BICC1: variants seen among roughly 807,000 people sequenced by gnomAD.
BICC1 encodes protein bicaudal C homolog 1.
Under a neutral mutation model 111.0 loss-of-function variants are expected in BICC1, and 43 were observed. The ratio of observed to expected loss-of-function variants is 0.39; its 90% CI spans 0.30 to 0.50. BICC1 has a LOEUF of 0.50. Ranked by LOEUF, BICC1 falls within the 20% of genes least tolerant of loss-of-function variation. BICC1 has a pLI of 0.88. For missense variants in BICC1, 1,091 were observed against 1,203.2 expected, an observed-to-expected ratio of 0.91 and a Z score of 1.38; for synonymous variants, 467 against 434.4, an observed-to-expected ratio of 1.07 and a Z score of -0.93.
chr10:58,792,605 G>A (rs935346639), intron 8 of BICC1, among the ~76,000 whole-genome samples: 3 of 152,120 alleles, frequency 2.0e-5, no homozygotes, highest in Non-Finnish European at 2.9e-5. Context: ...ATTGTGAACC[G>A]TGCATGCAAG....
At chr10:58,610,055 C>T (rs1369025400) in intron 1 of BICC1, among the ~76,000 whole-genome samples, 1 of 152,154 alleles carries the variant, frequency 6.6e-6, no homozygotes, top group Admixed American at 6.5e-5. Flanking sequence ...GTCATCAGTC[C>T]ACCAGGAAGT....
At chr10:58,824,242 G>A (rs1844332091) in intron 20 of BICC1, 1 of 263,734 alleles carries the variant, frequency 3.8e-6, no homozygotes, top group Admixed American at 6.5e-5. Context: ...TAGTACCTGT[G>A]TGGGCAAGTG....
At chr10:58,637,340 G>A (rs935862308) in intron 2 of BICC1, among the ~76,000 whole-genome samples, 11 of 152,120 alleles carry the variant, frequency 7.2e-5, no homozygotes, top group Non-Finnish European at 1.3e-4. Flanking sequence ...GGTTAGATGA[G>A]GTTTGCTACC....
rs1461820906 is a variant in BICC1, at chr10:58,513,112, G to T, written c.-32G>T. 27 of 1,362,076 alleles carry T rather than the reference G, an allele frequency of 2.0e-5. No homozygotes were observed. Among genetic ancestry groups the T allele is most frequent in the Middle Eastern group, 2.7e-4 (1 of 3,720 alleles). 84.4% of individuals were successfully genotyped at this position (1,362,076 alleles called of 1,614,324 possible). ...GCGGCAGCGCAGGCAGAGCGGCGGCGGCAGCGGGAGCCCGAGCGCTGCGCG... is the reference window on the plus strand; with the variant it reads ...GCGGCAGCGCAGGCAGAGCGGCGGCTGCAGCGGGAGCCCGAGCGCTGCGCG... On this transcript the variant is annotated 5_prime_UTR_variant, in exon 1 of 21. Coordinates refer to ENST00000373886, the MANE Select transcript of BICC1 (RefSeq NM_001080512.3).
intron 1 of BICC1, among the ~76,000 whole-genome samples, chr10:58,613,271 T>C (rs762176336): frequency 1.3e-5 from 2 of 152,192 alleles, no homozygotes; most frequent in African/African-American, 4.8e-5. Context: ...GAATAAACTT[T>C]GGAACATCAG....
Position 58,527,827 on chromosome 10 carries a change from G to C in BICC1, c.190+14494G>C, listed in dbSNP as rs1287973644. Among the ~76,000 whole-genome samples the C allele has an allele frequency of 5.3e-5, 8 of 152,072 alleles. No individual in the cohort carries two copies. The East Asian group carries it at 1.6e-3, about 30-fold the overall frequency. Reference sequence around the variant, plus strand: ...GCCCTGCTGAAATGCAGAGGAGCTTGGTGTCAGGCTCGGGTGGGTTAGAAT... The same window carrying C: ...GCCCTGCTGAAATGCAGAGGAGCTTCGTGTCAGGCTCGGGTGGGTTAGAAT... On this transcript the variant is annotated intron_variant, in intron 1 of 20. Transcript: ENST00000373886.
intron 2 of BICC1, among the ~76,000 whole-genome samples, chr10:58,639,678 A>T (rs1408832927): frequency 6.8e-6 from 1 of 147,288 alleles, no homozygotes; most frequent in Non-Finnish European, 1.5e-5. Context: ...TGACCTCCCA[A>T]AGTTCTGGAA....
Position 58,766,746 on chromosome 10 carries a change from C to T in BICC1, c.308-18255C>T, listed in dbSNP as rs114642392. ...AATAGTTTCATTTTACCCATGTCAC[C>T]TCTCCTGTAAAGCAGCACAGTTCAG... is the stretch of plus-strand genomic sequence containing the variant. On this transcript the variant is annotated intron_variant, in intron 3 of 20. Coordinates refer to ENST00000373886, the MANE Select transcript of BICC1 (RefSeq NM_001080512.3). 5.2e-3 allele frequency among the ~76,000 whole-genome samples: 798 copies of T among 152,134 alleles called. 15 individuals are homozygous for T. The highest frequency in any genetic ancestry group is 0.018 in the African/African-American group (754 of 41,504).
intron 1 of BICC1, among the ~76,000 whole-genome samples, chr10:58,596,673 C>A (rs1432646817): frequency 6.6e-6 from 1 of 152,194 alleles, no homozygotes; most frequent in Non-Finnish European, 1.5e-5. Context: ...ATCTCAGCCC[C>A]AAATCTCCTT....
At chr10:58,700,424 G>C (rs994014854) in intron 2 of BICC1, among the ~76,000 whole-genome samples, 2 of 152,014 alleles carry the variant, frequency 1.3e-5, no homozygotes, top group Non-Finnish European at 2.9e-5. Context: ...TTTTACTAGT[G>C]GTTTAGACTT....
chr10:58,820,419 G>T lies in BICC1; in HGVS notation c.2745G>T (p.Leu915=), dbSNP rs1341843238. The change falls in exon 20 of 21, where the codon CTG becomes CTT. Residue 915 remains leucine (L), a synonymous_variant. Transcript: ENST00000373886. ...TCACAGATCAGGATCTGAAGGAGCT[G>T]GGAATAACTACTTTTGGTGCCAGGA... ...LTLTDQDLKE[L]GITTFGARRK... 2 of 1,612,098 alleles carry T rather than the reference G, an allele frequency of 1.2e-6. No homozygotes were observed. Among genetic ancestry groups the T allele is most frequent in the Admixed American group, 3.3e-5 (2 of 59,936 alleles).
intron 2 of BICC1, among the ~76,000 whole-genome samples, chr10:58,653,999 A>G (rs1220160126): frequency 6.6e-6 from 1 of 151,198 alleles, no homozygotes; most frequent in African/African-American, 2.4e-5. Context: ...TGTCCCTACA[A>G]AGGACATGAA....
intron 1 of BICC1, among the ~76,000 whole-genome samples, chr10:58,550,546 C>T (rs558065762): frequency 2.2e-4 from 33 of 152,188 alleles, no homozygotes; most frequent in Middle Eastern, 3.4e-3. Context: ...ATGTGTTCAT[C>T]TAGAAATTTT....
At chr10:58,701,932 T>C (rs568970074) in intron 2 of BICC1, 142 bp from the exon 3 acceptor site, 13 of 564,000 alleles carry the variant, frequency 2.3e-5, no homozygotes, top group South Asian at 1.7e-4. Context: ...GTTTTTTTTT[T>C]CTTTGCATTG....
intron 2 of BICC1, among the ~76,000 whole-genome samples, chr10:58,623,302 G>A (rs1180834652): frequency 6.6e-6 from 1 of 152,082 alleles, no homozygotes; most frequent in Non-Finnish European, 1.5e-5. Context: ...TTGCATTTCA[G>A]TTTAACAGAT....
At chr10:58,825,459 G>A (rs1006567923) in intron 20 of BICC1, among the ~76,000 whole-genome samples, 1 of 152,108 alleles carries the variant, frequency 6.6e-6, no homozygotes, top group African/African-American at 2.4e-5. Flanking sequence ...AGATACTAGT[G>A]TATTTTATCA....
intron 1 of BICC1, among the ~76,000 whole-genome samples, chr10:58,595,670 A>G (rs1037902839): frequency 1.3e-5 from 2 of 152,324 alleles, no homozygotes; most frequent in African/African-American, 2.4e-5. Flanking sequence ...AACCAATGAG[A>G]ATGAAGACGC....
intron 3 of BICC1, among the ~76,000 whole-genome samples, chr10:58,707,208 A>G (rs1840410304): frequency 6.6e-6 from 1 of 152,250 alleles, no homozygotes; most frequent in Non-Finnish European, 1.5e-5. Context: ...TAGGTATCTA[A>G]TAGAAAATGT....
At chr10:58,732,832 G>A (rs773071547) in intron 3 of BICC1, among the ~76,000 whole-genome samples, 1 of 151,836 alleles carries the variant, frequency 6.6e-6, no homozygotes, top group Admixed American at 6.6e-5. Flanking sequence ...GTGATGCTCC[G>A]AAACAATTTA....
Sources: allele counts gnomAD v4.1 joint callset (sites outside exome capture counted in the v4.1 genomes callset), GRCh38; gene constraint gnomAD v4.1.1; transcripts MANE v1.5; gene names NCBI Gene and HGNC (gene_info 2026-07-23, HGNC 2026-07-21).